CDH8: variants seen among roughly 807,000 people sequenced by gnomAD.
The protein encoded by CDH8 is cadherin-8.
In CDH8, 17 loss-of-function variants were observed where a neutral mutation model predicts 68.1. The observed-to-expected ratio is 0.25, with a 90% confidence interval of 0.17 to 0.37. The LOEUF (loss-of-function observed/expected upper bound fraction) is 0.37. Among genes scored for constraint, CDH8 ranks in the 10% least tolerant of loss-of-function variants. The probability of loss-of-function intolerance (pLI) is 1.00; values close to 1 mark genes in which losing one functional copy is unlikely to be tolerated. For missense variants in CDH8, 763 were observed against 999.3 expected (o/e 0.76, Z 3.19); for synonymous variants, 372 against 365.1 (o/e 1.02, Z -0.21).
chr16:61,678,815 C>T (rs571448483), intron 10 of CDH8, among the ~76,000 whole-genome samples: 36 of 152,110 alleles, frequency 2.4e-4, no homozygotes, highest in Non-Finnish European at 4.9e-4. Context: ...TAATCTTAAG[C>T]ACCTTTAAAG....
At chr16:61,686,373 T>A (rs1290638956) in intron 10 of CDH8, among the ~76,000 whole-genome samples, 1 of 152,028 alleles carries the variant, frequency 6.6e-6, no homozygotes, top group Admixed American at 6.6e-5. Flanking sequence ...CAACTATCCA[T>A]TTAGTTTTGC....
chr16:61,960,658 C>T (rs1313256242), intron 2 of CDH8, among the ~76,000 whole-genome samples: 1 of 152,074 alleles, frequency 6.6e-6, no homozygotes, highest in Non-Finnish European at 1.5e-5. Flanking sequence ...TAATTCAGAG[C>T]TGTTCCCCCT....
chr16:61,929,393 T>G (rs1423005608), intron 2 of CDH8, among the ~76,000 whole-genome samples: 2 of 152,178 alleles, frequency 1.3e-5, no homozygotes, highest in African/African-American at 4.8e-5. Context: ...AACAAAAATC[T>G]GACTACAAAA....
intron 7 of CDH8, among the ~76,000 whole-genome samples, chr16:61,796,375 G>A (rs1166705732): frequency 1.3e-5 from 2 of 152,060 alleles, no homozygotes; most frequent in African/African-American, 2.4e-5. Flanking sequence ...GCTTTAGACA[G>A]AAGAGCTAGT....
chr16:62,003,094 G>A (rs548976434), intron 2 of CDH8, among the ~76,000 whole-genome samples: 49 of 152,108 alleles, frequency 3.2e-4, no homozygotes, highest in African/African-American at 1.1e-3. Context: ...TCATCCCTTC[G>A]TACAAAGGTT....
intron 1 of CDH8, among the ~76,000 whole-genome samples, chr16:62,032,726 G>C (rs1214771762): frequency 6.6e-6 from 1 of 152,074 alleles, no homozygotes; most frequent in African/African-American, 2.4e-5. Flanking sequence ...AGAAAAGTGT[G>C]GTTGGAAATA....
At chr16:61,727,857 T>C (rs1249239912) in intron 8 of CDH8, among the ~76,000 whole-genome samples, 1 of 151,150 alleles carries the variant, frequency 6.6e-6, no homozygotes, top group Non-Finnish European at 1.5e-5. Flanking sequence ...CTTCTAATCT[T>C]TCCAGGTCAA....
chr16:61,713,860 GA>G lies in CDH8; in HGVS notation c.1634del (p.Phe545SerfsTer33), dbSNP rs1458725260. 6.3e-7 allele frequency: 1 copy of G among 1,577,480 alleles called. No individual in the cohort carries two copies. The highest frequency in any genetic ancestry group is 2.2e-5 in the East Asian group (1 of 44,568). On this transcript the variant is annotated frameshift_variant, in exon 10 of 12. Coordinates refer to ENST00000577390, the MANE Select transcript of CDH8 (RefSeq NM_001796.5). LOFTEE classifies it high-confidence loss of function. ...ATTTACCTTCATTTTTCTTGATGGTGAAATTCGGATTGTTGACCATTTCTGG... is the reference window on the plus strand; with the variant it reads ...ATTTACCTTCATTTTTCTTGATGGTGAATTCGGATTGTTGACCATTTCTGG... ...LLPEMVNNPN[F>X]TIKKNEDNSL...
intron 10 of CDH8, among the ~76,000 whole-genome samples, chr16:61,663,364 A>C (rs1181308221): frequency 1.3e-5 from 2 of 152,048 alleles, no homozygotes; most frequent in South Asian, 2.1e-4. Flanking sequence ...TTTTTACTGA[A>C]TGTTATGAGA....
chr16:61,758,304 A>AAT (rs1480209824), intron 8 of CDH8, among the ~76,000 whole-genome samples: 1 of 152,252 alleles, frequency 6.6e-6, no homozygotes, highest in East Asian at 1.9e-4. Context: ...GAAGAGGCAG[A>AAT]ATATTAGATT....
At chr16:61,928,640 C>T (rs1221399596) in intron 2 of CDH8, among the ~76,000 whole-genome samples, 2 of 152,104 alleles carry the variant, frequency 1.3e-5, no homozygotes, top group African/African-American at 4.8e-5. Flanking sequence ...AGAGGTTTAG[C>T]ATTATTTTAA....
intron 7 of CDH8, among the ~76,000 whole-genome samples, chr16:61,813,931 C>T (rs79943685): frequency 0.015 from 2,233 of 152,230 alleles, 16 homozygotes; most frequent in Non-Finnish European, 0.022. Flanking sequence ...ATCAATTAGA[C>T]TATTTAGCCT....
At chr16:61,775,141 A>G (rs1349511151) in intron 8 of CDH8, among the ~76,000 whole-genome samples, 1 of 152,162 alleles carries the variant, frequency 6.6e-6, no homozygotes, top group Non-Finnish European at 1.5e-5. Context: ...AAGCAGGTGA[A>G]TTGCTTGAGG....
chr16:61,762,739 T>C (rs1424459840), intron 8 of CDH8, among the ~76,000 whole-genome samples: 1 of 152,286 alleles, frequency 6.6e-6, no homozygotes, highest in South Asian at 2.1e-4. Flanking sequence ...AACTATTTCA[T>C]ATGAATAAAT....
intron 10 of CDH8, among the ~76,000 whole-genome samples, chr16:61,657,558 A>G (rs1243609133): frequency 6.6e-6 from 1 of 152,116 alleles, no homozygotes; most frequent in Non-Finnish European, 1.5e-5. Flanking sequence ...GTAAGCTAAA[A>G]GCAAGGAACA....
chr16:61,764,898 C>G (rs773293107), intron 8 of CDH8, among the ~76,000 whole-genome samples: 16 of 152,016 alleles, frequency 1.1e-4, no homozygotes, highest in Non-Finnish European at 1.8e-4. Flanking sequence ...GTCAAGCTTC[C>G]TACTGCTGTC....
chr16:61,996,305 T>C (rs1257665273), intron 2 of CDH8, among the ~76,000 whole-genome samples: 1 of 152,160 alleles, frequency 6.6e-6, no homozygotes, highest in Non-Finnish European at 1.5e-5. Context: ...GACACCGTCA[T>C]TGCAGGGAAT....
chr16:61,857,902 G>A (rs141515290), intron 3 of CDH8, among the ~76,000 whole-genome samples: 139 of 151,928 alleles, frequency 9.1e-4, no homozygotes, highest in East Asian at 4.1e-3. Context: ...GATGGGGAGC[G>A]TTGGCTTTAC....
intron 8 of CDH8, among the ~76,000 whole-genome samples, chr16:61,754,223 G>GA (rs1960251603): frequency 6.6e-6 from 1 of 151,964 alleles, no homozygotes; most frequent in Non-Finnish European, 1.5e-5. Context: ...TTTTCCATGA[G>GA]AAAAAAACTC....
Sources: gnomAD v4.1 joint callset for allele counts (sites outside exome capture counted in the v4.1 genomes callset) on GRCh38, gnomAD v4.1.1 for gene constraint, MANE v1.5 for transcripts, NCBI Gene and HGNC (gene_info 2026-07-23, HGNC 2026-07-21) for gene names.